DCC: variants seen among roughly 807,000 people sequenced by gnomAD.
The protein encoded by DCC is DCC netrin 1 receptor, also known as netrin receptor DCC.
A neutral mutation model predicts 172.5 loss-of-function variants in DCC; 58 were observed. The observed-to-expected ratio is 0.34, with a 90% CI of 0.27 to 0.42. The LOEUF is 0.42. Ranked by LOEUF, DCC falls within the 10% of genes least tolerant of loss-of-function variation. DCC has a pLI of 1.00. For synonymous variants in DCC, 709 were observed against 644.5 expected (o/e 1.10, Z -1.52); for missense variants, 1,740 against 1,791.0 (o/e 0.97, Z 0.51).
intron 2 of DCC, among the ~76,000 whole-genome samples, chr18:52,752,697 C>A (rs764078131): frequency 6.6e-6 from 1 of 152,080 alleles, no homozygotes; most frequent in African/African-American, 2.4e-5. Context: ...AAGCTTATTT[C>A]TTCTCTCTCA....
chr18:52,439,353 A>T (rs1433174171), intron 1 of DCC, among the ~76,000 whole-genome samples: 2 of 152,072 alleles, frequency 1.3e-5, no homozygotes, highest in Admixed American at 6.6e-5. Context: ...GGAACACATT[A>T]GCTGTAGTTT....
intron 22 of DCC, among the ~76,000 whole-genome samples, chr18:53,447,781 C>T (rs1379274390): frequency 6.6e-6 from 1 of 152,126 alleles, no homozygotes; most frequent in Non-Finnish European, 1.5e-5. Context: ...TGAAATACTA[C>T]TGTAAAATAA....
intron 2 of DCC, among the ~76,000 whole-genome samples, chr18:52,768,660 C>T (rs2037292939): frequency 6.6e-6 from 1 of 152,092 alleles, no homozygotes; most frequent in Non-Finnish European, 1.5e-5. Context: ...ACACCCTAAT[C>T]TTGCTTCTTT....
chr18:53,250,427 A>G (rs1277811772), intron 12 of DCC, among the ~76,000 whole-genome samples: 1 of 151,874 alleles, frequency 6.6e-6, no homozygotes, highest in Non-Finnish European at 1.5e-5. Context: ...CTCTAGGACA[A>G]GTGACTTGGC....
intron 7 of DCC, among the ~76,000 whole-genome samples, chr18:53,106,650 T>G (rs2043252331): frequency 1.3e-5 from 2 of 151,792 alleles, no homozygotes; most frequent in Admixed American, 1.3e-4. Context: ...CAAGAGAGGG[T>G]TGTTGGATCT....
At chr18:53,215,407 T>G in intron 11 of DCC, 141 bp from the exon 12 acceptor site, 1 of 731,088 alleles carries the variant, frequency 1.4e-6, no homozygotes, top group Non-Finnish European at 2.4e-6. Context: ...CCAAAAATTT[T>G]TGAAGTACTA....
intron 2 of DCC, among the ~76,000 whole-genome samples, chr18:52,833,434 G>GAT (rs1375049174): frequency 6.6e-6 from 1 of 152,036 alleles, no homozygotes; most frequent in Admixed American, 6.5e-5. Flanking sequence ...CAAGACCTGT[G>GAT]ATAAATAGCA....
chr18:53,189,775 G>A (rs958707783), intron 9 of DCC, among the ~76,000 whole-genome samples: 4 of 152,166 alleles, frequency 2.6e-5, no homozygotes, highest in African/African-American at 9.7e-5. Flanking sequence ...ATAAGTGAAT[G>A]AAGTTAGCCA....
intron 1 of DCC, among the ~76,000 whole-genome samples, chr18:52,385,229 G>T (rs1248531286): frequency 6.6e-6 from 1 of 152,110 alleles, no homozygotes. Context: ...TGTGTGGTAT[G>T]AAATAGCCAG....
At chr18:53,380,129 C>T (rs1907600861) in intron 15 of DCC, among the ~76,000 whole-genome samples, 2 of 152,124 alleles carry the variant, frequency 1.3e-5, no homozygotes, top group African/African-American at 4.8e-5. Context: ...TTGGAATCAT[C>T]ATGATAATAT....
In DCC at chr18:53,113,998, C is replaced by G. The variant is rs144518539; in HGVS notation, c.1262-43358C>G. Among the ~76,000 whole-genome samples, 9 of 151,408 alleles carry G rather than the reference C, an allele frequency of 5.9e-5. No individual in the cohort carries two copies. The East Asian group carries it at 1.2e-3, about 20-fold the overall frequency. On this transcript the variant is annotated intron_variant, in intron 7 of 28. Coordinates refer to ENST00000442544, the MANE Select transcript of DCC (RefSeq NM_005215.4). Reference sequence around the variant, plus strand: ...GCTTTCATTCTCTCTAAATTTCAAGCAGAATTTTACAGTTCTGAAGATTTA... The same window carrying G: ...GCTTTCATTCTCTCTAAATTTCAAGGAGAATTTTACAGTTCTGAAGATTTA...
At chr18:53,054,313 G>A (rs1279009128) in intron 5 of DCC, among the ~76,000 whole-genome samples, 1 of 151,850 alleles carries the variant, frequency 6.6e-6, no homozygotes, top group Non-Finnish European at 1.5e-5. Flanking sequence ...TCTCATTAGA[G>A]AATGTATAAA....
At chr18:53,092,205 C>A (rs1042551363) in intron 7 of DCC, among the ~76,000 whole-genome samples, 2 of 151,816 alleles carry the variant, frequency 1.3e-5, no homozygotes, top group African/African-American at 4.8e-5. Flanking sequence ...AAATATTATC[C>A]ATTATTAGAG....
chr18:52,882,151 AC>A (rs767898834), intron 2 of DCC, among the ~76,000 whole-genome samples: 9 of 152,110 alleles, frequency 5.9e-5, no homozygotes, highest in Non-Finnish European at 1.2e-4. Flanking sequence ...ATATCCTGCA[AC>A]TTTACTGAAT....
intron 15 of DCC, among the ~76,000 whole-genome samples, chr18:53,377,575 A>C (rs1331269368): frequency 6.6e-6 from 1 of 152,192 alleles, no homozygotes; most frequent in Non-Finnish European, 1.5e-5. Context: ...CTTGAGGGAC[A>C]CATTCAAACA....
chr18:52,721,844 G>A (rs2036478371), intron 1 of DCC, among the ~76,000 whole-genome samples: 1 of 152,118 alleles, frequency 6.6e-6, no homozygotes, highest in South Asian at 2.1e-4. Context: ...GGCCAACATG[G>A]TGAAAACCTA....
At chr18:53,229,334 G>A (rs1359666662) in intron 12 of DCC, among the ~76,000 whole-genome samples, 2 of 152,048 alleles carry the variant, frequency 1.3e-5, no homozygotes, top group East Asian at 1.9e-4. Flanking sequence ...AATTGTTAAT[G>A]TTTTAAGAAT....
intron 11 of DCC, among the ~76,000 whole-genome samples, chr18:53,209,406 A>G (rs73957104): frequency 0.02 from 3,074 of 152,272 alleles, 117 homozygotes; most frequent in African/African-American, 0.071. Flanking sequence ...TTCAGCAACA[A>G]TTTCCATTTG....
At chr18:53,051,417 C>T (rs1166270246) in intron 5 of DCC, among the ~76,000 whole-genome samples, 2 of 152,046 alleles carry the variant, frequency 1.3e-5, no homozygotes, top group Admixed American at 6.6e-5. Context: ...GAATTCTTTT[C>T]AGTAACCATT....
Sources: gnomAD v4.1 joint callset for allele counts (sites outside exome capture counted in the v4.1 genomes callset) on GRCh38, gnomAD v4.1.1 for gene constraint, MANE v1.5 for transcripts, NCBI Gene and HGNC (gene_info 2026-07-23, HGNC 2026-07-21) for gene names.